NCAN: variants seen among roughly 807,000 people sequenced by gnomAD.
NCAN encodes the protein neurocan core protein.
NCAN carries 47 observed loss-of-function variants against 121.8 expected under a neutral mutation model. The observed-to-expected ratio is 0.39, with a 90% CI of 0.31 to 0.49. NCAN has a LOEUF of 0.49. NCAN is among the 20% of genes least tolerant of loss of function. NCAN has a pLI of 0.92. For synonymous variants in NCAN, 633 were observed against 702.0 expected (o/e 0.90, Z 1.55); for missense variants, 1,517 against 1,773.4 (o/e 0.86, Z 2.60).
Position 19,225,111 on chromosome 19 carries a change from G to T in NCAN, c.913G>T (p.Asp305Tyr). Residue 305 changes from aspartate to tyrosine, a missense_variant, in exon 6 of 15, where the codon GAC (aspartate) becomes TAC (tyrosine). Coordinates refer to ENST00000252575, the MANE Select transcript of NCAN (RefSeq NM_004386.3). This position sits in a 1 kb window ranked among gnomAD's most constrained non-coding sequence, Gnocchi z 4.0. The stretch of plus-strand genomic sequence containing the variant: ...CTGGCATGAGGGCCTGGACCAGTGC[G>T]ACCCGGGCTGGCTGGCCGACGGCAG... ...LAWHEGLDQC[D>Y]PGWLADGSVR... The T allele has an allele frequency of 6.5e-7, 1 of 1,533,282 alleles. No homozygotes were observed. The highest frequency in any genetic ancestry group is 8.7e-7 in the Non-Finnish European group (1 of 1,148,616). The allele number at this position is 1,533,282 out of a possible 1,614,324, so 95.0% of individuals were successfully genotyped here.
chr19:19,220,057 G>C (rs2060810870), intron 3 of NCAN, among the ~76,000 whole-genome samples: 1 of 152,012 alleles, frequency 6.6e-6, no homozygotes, highest in African/African-American at 2.4e-5. Context: ...ATCAGTATGG[G>C]TACTATCTTG....
intron 12 of NCAN, among the ~76,000 whole-genome samples, chr19:19,241,723 C>T (rs1258225534): frequency 6.6e-6 from 1 of 151,416 alleles, no homozygotes; most frequent in African/African-American, 2.4e-5. Context: ...ACCACATGAC[C>T]CAGCGATTCT....
chr19:19,245,157 G>T (rs113219907), intron 12 of NCAN, among the ~76,000 whole-genome samples, 156 bp from the exon 13 acceptor site: 1 of 152,152 alleles, frequency 6.6e-6, no homozygotes, highest in African/African-American at 2.4e-5. Flanking sequence ...GGTGGCCCCC[G>T]TCAGGATGGG....
chr19:19,243,895 G>A lies in NCAN; in HGVS notation c.3493-1418G>A, dbSNP rs143250294. On this transcript the variant is annotated intron_variant, in intron 12 of 14. Transcript: ENST00000252575. ...ACAAAAATTAGCTGGGCATGGTGGCGCATGCCTGTAATCCCAGCTACTCAG... is the reference window on the plus strand; with the variant it reads ...ACAAAAATTAGCTGGGCATGGTGGCACATGCCTGTAATCCCAGCTACTCAG... Among the ~76,000 whole-genome samples, 321 of 151,836 alleles carry A rather than the reference G, an allele frequency of 2.1e-3. 2 individuals carry two copies. The highest frequency in any genetic ancestry group is 7.1e-3 in the African/African-American group (293 of 41,374).
At chr19:19,249,636 G>A (rs1184728193) in intron 14 of NCAN, 130 bp from the exon 15 acceptor site, 2 of 1,390,680 alleles carry the variant, frequency 1.4e-6, no homozygotes, top group East Asian at 4.6e-5. Context: ...CAAAGTGCTG[G>A]GATGACAGGG....
Position 19,224,362 on chromosome 19 carries a change from G to T in NCAN, c.707G>T (p.Gly236Val), listed in dbSNP as rs1160932847. 1.2e-6 allele frequency: 2 copies of T among 1,613,904 alleles called. No individual in the cohort carries two copies. Among genetic ancestry groups the T allele is most frequent in the African/African-American group, 1.3e-5 (1 of 74,882 alleles). ...TATGGCGACCGTAGCAGCCTTCCAG[G>T]GGTTCGGAGCTATGGGAGGCGCAAC... is the stretch of plus-strand genomic sequence containing the variant. ...GCYGDRSSLP[G>V]VRSYGRRNPQ... The change falls in exon 5 of 15, where the codon GGG (glycine) becomes GTG (valine). Residue 236 changes from glycine to valine, a missense_variant. Transcript: ENST00000252575.
chr19:19,222,277 A>C (rs1171515654), intron 3 of NCAN, among the ~76,000 whole-genome samples: 5 of 152,154 alleles, frequency 3.3e-5, no homozygotes, highest in Admixed American at 6.6e-5. Context: ...TCATTCAGCC[A>C]AACTCTTTTT....
intron 12 of NCAN, 70 bp downstream of exon 12, chr19:19,240,755 C>T: frequency 1.1e-5 from 17 of 1,510,630 alleles, no homozygotes; most frequent in Non-Finnish European, 1.5e-5. Context: ...TCAGTTTACC[C>T]TTTTGTGCAA....
Position 19,226,798 on chromosome 19 carries a change from C to A in NCAN, c.1385C>A (p.Thr462Asn), listed in dbSNP as rs758282635. The A allele has an allele frequency of 3.5e-5, 57 of 1,613,266 alleles. No individual in the cohort carries two copies. Among genetic ancestry groups the A allele is most frequent in the Non-Finnish European group, 3.0e-5 (35 of 1,179,992 alleles). Residue 462 changes from threonine to asparagine, a missense_variant, in exon 7 of 15, where the codon ACT (threonine) becomes AAT (asparagine). Physicochemically the swap from Thr to Asn is moderately conservative, Grantham distance 65. Coordinates refer to ENST00000252575, the MANE Select transcript of NCAN (RefSeq NM_004386.3). ...AGCCCTAGCGACATGGGGGCAGGCA[C>A]TGCAGCAAGTTCACACACGGAGGTG... ...APSPSDMGAG[T>N]AASSHTEVAP...
At chr19:19,242,942 C>G (rs921156771) in intron 12 of NCAN, among the ~76,000 whole-genome samples, 1 of 152,042 alleles carries the variant, frequency 6.6e-6, no homozygotes, top group Non-Finnish European at 1.5e-5. Flanking sequence ...TGAGACCAGC[C>G]TGGGCAACAT....
chr19:19,213,608 G>C (rs959476671), intron 1 of NCAN, among the ~76,000 whole-genome samples: 8 of 151,868 alleles, frequency 5.3e-5, no homozygotes, highest in Non-Finnish European at 1.2e-4. Context: ...ATGTCACTGT[G>C]AATCTGTGTG....
Position 19,225,240 on chromosome 19 carries a change from G to A in NCAN, c.1042G>A (p.Ala348Thr), listed in dbSNP as rs1375378694. ...TAACCGGACCGGCTTCCCCTCACCC[G>A]CCGAGCGCTTCGACGCCTACTGCTT... is the stretch of plus-strand genomic sequence containing the variant. ...FANRTGFPSP[A>T]ERFDAYCFRA... is the part of the protein sequence containing the mutation. Residue 348 changes from alanine to threonine, a missense_variant, in exon 6 of 15, where the codon GCC becomes ACC. Physicochemically the swap from Ala to Thr is moderately conservative, Grantham distance 58. Coordinates refer to ENST00000252575, the MANE Select transcript of NCAN (RefSeq NM_004386.3). This position sits in a 1 kb window ranked among gnomAD's most constrained non-coding sequence, Gnocchi z 4.0. 4 of 1,561,154 alleles carry A rather than the reference G, an allele frequency of 2.6e-6. No homozygotes were observed. Among genetic ancestry groups the A allele is most frequent in the East Asian group, 2.5e-5 (1 of 40,234 alleles).
In NCAN at chr19:19,248,882, C is replaced by A; in HGVS notation, c.3820C>A (p.Pro1274Thr). The change falls in exon 14 of 15, where the codon CCC becomes ACC. Residue 1274 changes from proline (P) to threonine (T), a missense_variant and splice_region_variant. Physicochemically the swap from Pro to Thr is conservative, Grantham distance 38. Transcript: ENST00000252575. Reference protein sequence around the residue: ...WDRPQIVCTKPRRSHRMRRHH... With the variant: ...WDRPQIVCTKTRRSHRMRRHH... ...CAGGCCCCAAATTGTCTGCACCAAA[C>A]GTAAGTAGCTTCTCCCAGAGATCTC... The A allele has an allele frequency of 3.1e-6, 5 of 1,613,586 alleles. No homozygotes were observed. Among genetic ancestry groups the A allele is most frequent in the Non-Finnish European group, 4.2e-6 (5 of 1,179,638 alleles).
In NCAN at chr19:19,227,748, G is replaced by A; in HGVS notation, c.2128G>A (p.Glu710Lys). The A allele has an allele frequency of 6.2e-7, 1 of 1,613,808 alleles. No homozygotes were observed. The highest frequency in any genetic ancestry group is 1.7e-5 in the Admixed American group (1 of 60,022). The change falls in exon 8 of 15, where the codon GAG becomes AAG. Residue 710 changes from glutamate (E) to lysine (K), a missense_variant. Coordinates refer to ENST00000252575, the MANE Select transcript of NCAN (RefSeq NM_004386.3). This position sits in a 1 kb window ranked among gnomAD's most constrained non-coding sequence, Gnocchi z 4.2. ...SPRADFRETG[E>K]TSPAQVNKAE... ...CAGGGCAGACTTCAGAGAAACTGGG[G>A]AGACCAGCCCTGCTCAGGTCAACAA...
chr19:19,215,432 A>T (rs748032130), intron 1 of NCAN, among the ~76,000 whole-genome samples: 1 of 152,152 alleles, frequency 6.6e-6, no homozygotes, highest in Non-Finnish European at 1.5e-5. Context: ...GAAGTCAGGA[A>T]ATGCACTGCT....
chr19:19,214,750 GT>G (rs1490473434), intron 1 of NCAN, among the ~76,000 whole-genome samples: 2 of 151,640 alleles, frequency 1.3e-5, no homozygotes, highest in Non-Finnish European at 2.9e-5. Flanking sequence ...GTGTGTGTGT[GT>G]GTGTGTGTGT....
Position 19,225,309 on chromosome 19 carries a change from C to A in NCAN, c.1072+39C>A. 1 of 1,481,612 alleles carries A rather than the reference C, an allele frequency of 6.7e-7. No individual in the cohort carries two copies. 91.8% of individuals were successfully genotyped at this position (1,481,612 alleles called of 1,614,324 possible). A position where few individuals can be genotyped will look rare whatever the true frequency, so the allele number is the denominator to read the frequency against. Reference sequence around the variant, plus strand: ...CTGGTGGCCGCGCCCCCAGGGCTTTCACTTTGGCGAAGGCCACGTCCCTGA... The same window carrying A: ...CTGGTGGCCGCGCCCCCAGGGCTTTAACTTTGGCGAAGGCCACGTCCCTGA... On this transcript the variant is annotated intron_variant, in intron 6 of 14. Transcript: ENST00000252575. This position sits in a 1 kb window ranked among gnomAD's most constrained non-coding sequence, Gnocchi z 4.0.
chr19:19,226,361 A>G, intron 6 of NCAN, 125 bp from the exon 7 acceptor site: 1 of 776,928 alleles, frequency 1.3e-6, no homozygotes. Context: ...CTCAGAAACT[A>G]CTTAGGAGAG....
rs2060945821 is a variant in NCAN, at chr19:19,251,452, AG to A, written c.*1543del. The A allele has an allele frequency of 6.6e-6, 1 of 152,202 alleles. No individual in the cohort carries two copies. Among genetic ancestry groups the A allele is most frequent in the Non-Finnish European group, 1.5e-5 (1 of 68,040 alleles). The allele number at this position is 152,202 out of a possible 1,614,324, so 9.4% of individuals were successfully genotyped here. A position where few individuals can be genotyped will look rare whatever the true frequency, so the allele number is the denominator to read the frequency against. The stretch of plus-strand genomic sequence containing the variant: ...CAGTGAAACTGAGGCTCAGATATAA[AG>A]GAAAGGTACTGGCTTGAAGTCACAA... On this transcript the variant is annotated 3_prime_UTR_variant, in exon 15 of 15. Transcript: ENST00000252575.
Sources: allele counts gnomAD v4.1 joint callset (sites outside exome capture counted in the v4.1 genomes callset), GRCh38; gene constraint gnomAD v4.1.1; non-coding constraint Gnocchi (gnomAD v3.1); transcripts MANE v1.5; gene names NCBI Gene and HGNC (gene_info 2026-07-23, HGNC 2026-07-21).